CDH13: variants seen among roughly 807,000 people sequenced by gnomAD.
CDH13 encodes the protein cadherin 13, also known as cadherin-13.
CDH13 carries 24 observed loss-of-function variants against 63.8 expected under a neutral mutation model. The ratio of observed to expected loss-of-function variants is 0.38; its 90% CI spans 0.27 to 0.53. CDH13 has a LOEUF of 0.53. CDH13 is among the 20% of genes least tolerant of loss of function. CDH13 has a pLI of 0.85. For synonymous variants in CDH13, 503 were observed against 355.3 expected, an observed-to-expected ratio of 1.42 and a Z score of -4.67; for missense variants, 1,049 against 903.1, an observed-to-expected ratio of 1.16 and a Z score of -2.07.
At chr16:83,757,652 C>G (rs188137714) in intron 11 of CDH13, among the ~76,000 whole-genome samples, 6 of 152,124 alleles carry the variant, frequency 3.9e-5, no homozygotes, top group Middle Eastern at 3.4e-3. Flanking sequence ...AAATTGTAAA[C>G]TCATATCGAA....
Position 83,404,182 on chromosome 16 carries a change from C to G in CDH13, c.781+59176C>G, listed in dbSNP as rs150198976. Among the ~76,000 whole-genome samples the G allele has an allele frequency of 5.8e-3, 884 of 152,284 alleles. 4 individuals carry two copies. The highest frequency in any genetic ancestry group is 1.0e-2 in the South Asian group (48 of 4,818). On this transcript the variant is annotated intron_variant, in intron 6 of 13. Coordinates refer to ENST00000567109, the MANE Select transcript of CDH13 (RefSeq NM_001257.5). ...AGAGTCAAATACAAAATGAGATAATCCTTTGTTGGGGGAACTGTTCACGTT... is the reference window on the plus strand; with the variant it reads ...AGAGTCAAATACAAAATGAGATAATGCTTTGTTGGGGGAACTGTTCACGTT...
chr16:82,789,603 G>A (rs55844042), intron 1 of CDH13, among the ~76,000 whole-genome samples: 111 of 152,210 alleles, frequency 7.3e-4, no homozygotes, highest in African/African-American at 2.5e-3. Flanking sequence ...CAAATGGGAG[G>A]TCCATTGGGC....
At chr16:83,138,504 T>C (rs2036394679) in intron 4 of CDH13, among the ~76,000 whole-genome samples, 1 of 152,154 alleles carries the variant, frequency 6.6e-6, no homozygotes, top group African/African-American at 2.4e-5. Context: ...CATGATCCAG[T>C]ATCTACGGGC....
intron 2 of CDH13, among the ~76,000 whole-genome samples, chr16:82,908,143 C>T (rs1258409388): frequency 1.3e-5 from 2 of 152,018 alleles, no homozygotes; most frequent in African/African-American, 4.8e-5. Flanking sequence ...TAGGGTCAGG[C>T]AGAAGACAGG....
chr16:82,723,437 C>T (rs1223765849), intron 1 of CDH13, among the ~76,000 whole-genome samples: 2 of 152,132 alleles, frequency 1.3e-5, no homozygotes, highest in Non-Finnish European at 2.9e-5. Context: ...CCCTTAAGTT[C>T]TCTGTGACTG....
chr16:83,330,653 A>G (rs9319440), intron 5 of CDH13, among the ~76,000 whole-genome samples: 151,019 of 152,306 alleles, frequency 0.99, 74,881 homozygotes, highest in Middle Eastern at 1. Context: ...CCAACTCAGT[A>G]CTGAATCCCC....
chr16:83,039,320 C>A (rs1056128329), intron 3 of CDH13, among the ~76,000 whole-genome samples: 2 of 152,208 alleles, frequency 1.3e-5, no homozygotes, highest in Non-Finnish European at 2.9e-5. Flanking sequence ...TTTAGCCTGA[C>A]TGATCTCTGC....
intron 3 of CDH13, among the ~76,000 whole-genome samples, chr16:83,088,848 A>G (rs932018615): frequency 3.3e-5 from 5 of 152,204 alleles, no homozygotes; most frequent in Non-Finnish European, 5.9e-5. Context: ...AGAAGTTTAG[A>G]ACAGAGATTT....
chr16:83,635,956 T>C (rs933518674), intron 8 of CDH13, among the ~76,000 whole-genome samples: 3 of 152,224 alleles, frequency 2.0e-5, no homozygotes, highest in Non-Finnish European at 4.4e-5. Flanking sequence ...TCTAAGTCCA[T>C]GATCCTTTCG....
intron 6 of CDH13, among the ~76,000 whole-genome samples, chr16:83,391,646 A>G (rs753166780): frequency 4.6e-5 from 7 of 152,224 alleles, no homozygotes; most frequent in African/African-American, 7.2e-5. Flanking sequence ...GTCCCGCCAG[A>G]GTATCCTCAC....
chr16:83,536,749 C>T (rs2075199422), intron 7 of CDH13, among the ~76,000 whole-genome samples: 1 of 152,132 alleles, frequency 6.6e-6, no homozygotes, highest in Admixed American at 6.5e-5. Flanking sequence ...TTGGTTCAAA[C>T]AAGAGACAGC....
At chr16:83,534,859 C>T (rs181035931) in intron 7 of CDH13, among the ~76,000 whole-genome samples, 1 of 152,292 alleles carries the variant, frequency 6.6e-6, no homozygotes, top group African/African-American at 2.4e-5. Context: ...GTCATCAAAG[C>T]CATGATTTTA....
intron 1 of CDH13, among the ~76,000 whole-genome samples, chr16:82,779,058 G>A (rs114717459): frequency 0.011 from 1,674 of 152,288 alleles, 35 homozygotes; most frequent in African/African-American, 0.038. Context: ...TAATCTAGAA[G>A]TGTAAAGTTA....
intron 10 of CDH13, among the ~76,000 whole-genome samples, chr16:83,743,409 G>C (rs1445502865): frequency 6.6e-6 from 1 of 152,102 alleles, no homozygotes; most frequent in African/African-American, 2.4e-5. Flanking sequence ...TTGTTTCTGA[G>C]GACTGCCTCC....
intron 1 of CDH13, among the ~76,000 whole-genome samples, chr16:82,652,314 G>T (rs908122736): frequency 1.3e-5 from 2 of 152,176 alleles, no homozygotes; most frequent in Non-Finnish European, 2.9e-5. Flanking sequence ...AGAAGGTTCT[G>T]TTTCTCACCT....
At chr16:83,752,397 G>C (rs1268861442) in intron 11 of CDH13, among the ~76,000 whole-genome samples, 1 of 152,216 alleles carries the variant, frequency 6.6e-6, no homozygotes, top group Non-Finnish European at 1.5e-5. Context: ...AAAATTTGCA[G>C]ATTAAGAAAC....
chr16:83,158,574 G>T (rs561537868), intron 4 of CDH13, among the ~76,000 whole-genome samples: 1 of 152,188 alleles, frequency 6.6e-6, no homozygotes. Flanking sequence ...ATCTACGGGC[G>T]CACTGTTCAG....
intron 2 of CDH13, among the ~76,000 whole-genome samples, chr16:83,009,322 G>A (rs1425315807): frequency 6.6e-6 from 1 of 152,206 alleles, no homozygotes; most frequent in Non-Finnish European, 1.5e-5. Flanking sequence ...TCAGTAAGAG[G>A]TGTCTCTTTC....
chr16:82,841,904 T>G (rs2039022042), intron 1 of CDH13, among the ~76,000 whole-genome samples: 1 of 151,778 alleles, frequency 6.6e-6, no homozygotes. Context: ...ATTAGTAGCT[T>G]GAAATTAGCC....
Sources: gnomAD v4.1 joint callset for allele counts (sites outside exome capture counted in the v4.1 genomes callset) on GRCh38, gnomAD v4.1.1 for gene constraint, MANE v1.5 for transcripts, NCBI Gene and HGNC (gene_info 2026-07-23, HGNC 2026-07-21) for gene names.